The following TRABD variants were observed in gnomAD, a reference collection of about 807,000 sequenced individuals.
TRABD encodes the protein TraB domain containing.
In TRABD, 23 loss-of-function variants were observed where a neutral mutation model predicts 39.6. The ratio of observed to expected loss-of-function variants is 0.58; its 90% CI spans 0.42 to 0.82. TRABD has a LOEUF of 0.82. Among genes scored for constraint, TRABD ranks in the 40% least tolerant of loss-of-function variants. The pLI is 0.00. For synonymous variants in TRABD, 243 were observed against 232.1 expected, an observed-to-expected ratio of 1.05 and a Z score of -0.43; for missense variants, 487 against 544.9, an observed-to-expected ratio of 0.89 and a Z score of 1.06.
At position 50,194,886 on chromosome 22, in the gene TRABD, T is replaced by G; in HGVS notation, c.280-14T>G. 1 of 1,610,980 alleles carries G rather than the reference T, an allele frequency of 6.2e-7. No homozygotes were observed. The highest frequency in any genetic ancestry group is 8.5e-7 in the Non-Finnish European group (1 of 1,179,208). ...GCGGCTGTGTTCTCGAGGTGTGACC[T>G]GTGGCTGTTGCAGACCATCCGGGAG... On this transcript the variant is annotated splice_polypyrimidine_tract_variant and intron_variant, in intron 4 of 9. Transcript: ENST00000380909.
chr22:50,198,712 G>A lies in TRABD; in HGVS notation c.*193G>A, dbSNP rs2064220266. The A allele has an allele frequency of 6.8e-6, 4 of 589,482 alleles. No individual in the cohort carries two copies. Among genetic ancestry groups the A allele is most frequent in the Non-Finnish European group, 8.6e-6 (3 of 350,036 alleles). The allele number at this position is 589,482 out of a possible 1,614,324, so 36.5% of individuals were successfully genotyped here. A position where few individuals can be genotyped will look rare whatever the true frequency, so the allele number is the denominator to read the frequency against. On this transcript the variant is annotated 3_prime_UTR_variant, in exon 10 of 10. Transcript: ENST00000380909. The surrounding 1 kb of genome is among the most constrained non-coding windows in gnomAD (Gnocchi z 7.9). ...AATAAAGGATTATTTAACTGTCTGA[G>A]CTCAGGCCTCCCGGCAGCCCCTCCC...
intron 1 of TRABD, among the ~76,000 whole-genome samples, chr22:50,186,473 G>A (rs917523293): frequency 1.9e-4 from 29 of 152,260 alleles, no homozygotes; most frequent in Non-Finnish European, 3.7e-4. Flanking sequence ...GGGCTGGGGC[G>A]GGGAGGGTCA....
chr22:50,188,829 A>C (rs2063822819), intron 1 of TRABD, among the ~76,000 whole-genome samples: 1 of 152,184 alleles, frequency 6.6e-6, no homozygotes, highest in South Asian at 2.1e-4. Context: ...GGATGCAGAC[A>C]GCCGTCTCTG....
At chr22:50,194,870 T>C (rs1216601033) in intron 4 of TRABD, 30 bp from the exon 5 acceptor site, 2 of 1,606,064 alleles carry the variant, frequency 1.2e-6, no homozygotes, top group Non-Finnish European at 1.7e-6. Context: ...AGCGGCTGTG[T>C]TCTCGAGGTG....
chr22:50,193,140 T>G, intron 2 of TRABD, 47 bp downstream of exon 2: 1 of 1,510,074 alleles, frequency 6.6e-7, no homozygotes, highest in Non-Finnish European at 8.8e-7. Context: ...GGCGGGGGGC[T>G]TCCCCGCTTT....
chr22:50,191,916 C>G (rs750446314), intron 1 of TRABD: 1 of 152,180 alleles, frequency 6.6e-6, no homozygotes, highest in Non-Finnish European at 1.5e-5. Flanking sequence ...CCACGCCTGG[C>G]TAATTTGTGT....
At chr22:50,186,452 G>T (rs1010787489) in intron 1 of TRABD, among the ~76,000 whole-genome samples, 2 of 152,106 alleles carry the variant, frequency 1.3e-5, no homozygotes, top group African/African-American at 4.8e-5. Flanking sequence ...GCCGAGGAGC[G>T]GAGCCCCCCA....
Position 50,197,153 on chromosome 22 carries a change from G to A in TRABD, c.421-88G>A, listed in dbSNP as rs1456550235. ...CTGGGCTGGGGCAGGGCTCTGCGCT[G>A]GTGCTGCCTGCCATCCCAGTTCTGC... On this transcript the variant is annotated intron_variant, in intron 5 of 9. Transcript: ENST00000380909. 3 of 1,338,200 alleles carry A rather than the reference G, an allele frequency of 2.2e-6. No individual in the cohort carries two copies. The African/African-American group carries it at 4.3e-5, about 19-fold the overall frequency. 82.9% of individuals were successfully genotyped at this position (1,338,200 alleles called of 1,614,324 possible).
chr22:50,197,781 C>CCCCCG, intron 7 of TRABD, 42 bp from the exon 8 acceptor site: 127 of 1,495,792 alleles, frequency 8.5e-5, no homozygotes, highest in Non-Finnish European at 1.0e-4. Context: ...CCCCCCAGCC[C>CCCCCG]GTTGCCCATC....
rs576070727 is a variant in TRABD at position 50,194,718 on chromosome 22, C to G, written c.280-182C>G. On this transcript the variant is annotated intron_variant, in intron 4 of 9. Transcript: ENST00000380909. ...TTTTCCCACTTAACAAGTGAACAAG[C>G]CTCACAGCTTCCTCTCTCGTCGCTT... Among the ~76,000 whole-genome samples the G allele has an allele frequency of 2.0e-3, 310 of 152,358 alleles. 2 individuals are homozygous for G. The highest frequency in any genetic ancestry group is 6.6e-3 in the African/African-American group (273 of 41,586).
intron 1 of TRABD, among the ~76,000 whole-genome samples, chr22:50,188,305 G>A (rs899732541): frequency 2.6e-5 from 4 of 152,046 alleles, no homozygotes; most frequent in South Asian, 2.1e-4. Context: ...ATGAGGTCTC[G>A]CTAAGTTGCC....
At position 50,193,165 on chromosome 22, in the gene TRABD, T is replaced by C. The variant is rs7293094; in HGVS notation, c.33+72T>C. ...TTCCCCGCTTTGTGGGCTCTCGGGG[T>C]CGGTCCCTGGCTGTTGTTCTGCAAA... On this transcript the variant is annotated intron_variant, in intron 2 of 9. Transcript: ENST00000380909. 6.1e-6 allele frequency: 9 copies of C among 1,469,056 alleles called. No individual in the cohort carries two copies. The Admixed American group carries it at 1.7e-4, about 28-fold the overall frequency. 91.0% of individuals were successfully genotyped at this position (1,469,056 alleles called of 1,614,324 possible).
At position 50,190,991 on chromosome 22, in the gene TRABD, G is replaced by T. The variant is rs534662140; in HGVS notation, c.-34-2036G>T. ...GCAAGGAGTGGGACCCCCTGCCAAGGCTGTGAGGCCCCATAGGGGAGCCTG... is the reference window on the plus strand; with the variant it reads ...GCAAGGAGTGGGACCCCCTGCCAAGTCTGTGAGGCCCCATAGGGGAGCCTG... On this transcript the variant is annotated intron_variant, in intron 1 of 9. Coordinates refer to ENST00000380909, the MANE Select transcript of TRABD (RefSeq NM_001320485.2). Among the ~76,000 whole-genome samples, 304 of 152,354 alleles carry T rather than the reference G, an allele frequency of 2.0e-3. 10 individuals are homozygous for T. Among genetic ancestry groups the T allele is most frequent in the Admixed American group, 0.02 (300 of 15,314 alleles).
In TRABD at chr22:50,197,535, C is replaced by G. The variant is rs766257487; in HGVS notation, c.618C>G (p.Phe206Leu). 6.2e-7 allele frequency: 1 copy of G among 1,613,712 alleles called. No homozygotes were observed. Among genetic ancestry groups the G allele is most frequent in the Non-Finnish European group, 8.5e-7 (1 of 1,180,028 alleles). The stretch of plus-strand genomic sequence containing the variant: ...AGAGGGCCATCGCAGCGCTCTCCTT[C>G]TGGCAGAAGGTCAGGCTGGCTTGGG... ...TFKRAIAALS[F>L]WQKVRLAWGL... Residue 206 changes from phenylalanine (F) to leucine (L), a missense_variant, in exon 7 of 10, where the codon TTC (phenylalanine) becomes TTG (leucine). Phe to Leu is a conservative substitution (Grantham distance 22, BLOSUM62 0). This residue lies in a region of TRABD where 358 missense variants were observed against 414.7 expected (regional missense o/e 0.86). Coordinates refer to ENST00000380909, the MANE Select transcript of TRABD (RefSeq NM_001320485.2).
rs187403245 is a variant in TRABD at position 50,199,092 on chromosome 22, T to C, written c.*573T>C. 779 of 716,658 alleles carry C rather than the reference T, an allele frequency of 1.1e-3. 2 individuals carry two copies. Among genetic ancestry groups the C allele is most frequent in the Non-Finnish European group, 1.6e-3 (628 of 384,442 alleles). 44.4% of individuals were successfully genotyped at this position (716,658 alleles called of 1,614,324 possible). A position where few individuals can be genotyped will look rare whatever the true frequency, so the allele number is the denominator to read the frequency against. ...GGCTTTTTTAATGTCTTAAAATCTT[T>C]TACTCAGGTAATTTTAATTTCAGAG... On this transcript the variant is annotated 3_prime_UTR_variant, in exon 10 of 10. Transcript: ENST00000380909.
chr22:50,194,137 C>T (rs1043921853), intron 3 of TRABD, among the ~76,000 whole-genome samples: 3 of 152,230 alleles, frequency 2.0e-5, no homozygotes, highest in African/African-American at 7.2e-5. Flanking sequence ...TTCTCGAAGC[C>T]GTGCAGCTCA....
In TRABD at chr22:50,194,974, C is replaced by T. The variant is rs764623560; in HGVS notation, c.354C>T (p.Asp118=). 2.3e-5 allele frequency: 37 copies of T among 1,612,028 alleles called. No individual in the cohort carries two copies. Among genetic ancestry groups the T allele is most frequent in the Middle Eastern group, 1.7e-4 (1 of 5,994 alleles). ...CQYRVSMLKM[D]ESTLLREAQE... is the part of the protein sequence containing the mutation. ...ATCGTGTGTCCATGCTGAAGATGGA[C>T]GAGAGCACGCTGCTGCGGGAGGCCC... Residue 118 remains aspartate (D), a synonymous_variant, in exon 5 of 10, where the codon GAC becomes GAT. Coordinates refer to ENST00000380909, the MANE Select transcript of TRABD (RefSeq NM_001320485.2).
In TRABD at chr22:50,198,759, TC is replaced by T. The variant is rs2064221974; in HGVS notation, c.*244del. ...TCCCCTCCCACACTGCAGGGGCCGTTCCCCAGCTTCTGGACAAGACACCCAG... is the reference window on the plus strand; with the variant it reads ...TCCCCTCCCACACTGCAGGGGCCGTTCCCAGCTTCTGGACAAGACACCCAG... On this transcript the variant is annotated 3_prime_UTR_variant, in exon 10 of 10. Coordinates refer to ENST00000380909, the MANE Select transcript of TRABD (RefSeq NM_001320485.2). This position sits in a 1 kb window ranked among gnomAD's most constrained non-coding sequence, Gnocchi z 7.9. The T allele has an allele frequency of 5.4e-6, 3 of 554,086 alleles. No homozygotes were observed. Among genetic ancestry groups the T allele is most frequent in the Middle Eastern group, 4.7e-4 (1 of 2,110 alleles). 34.3% of individuals were successfully genotyped at this position (554,086 alleles called of 1,614,324 possible).
intron 5 of TRABD, among the ~76,000 whole-genome samples, chr22:50,196,102 G>T (rs2064093617): frequency 6.6e-6 from 1 of 152,198 alleles, no homozygotes; most frequent in Non-Finnish European, 1.5e-5. Context: ...GGGGCGTGGG[G>T]CAGGGTCTGG....
Sources: allele counts gnomAD v4.1 joint callset (sites outside exome capture counted in the v4.1 genomes callset), GRCh38; gene constraint gnomAD v4.1.1; regional missense constraint gnomAD v4.1.1; non-coding constraint Gnocchi (gnomAD v3.1); transcripts MANE v1.5; gene names NCBI Gene and HGNC (gene_info 2026-07-23, HGNC 2026-07-21).